The following BRINP3 variants were observed in gnomAD, a reference collection of about 807,000 sequenced individuals.
The protein encoded by BRINP3 is BMP/retinoic acid inducible neural specific 3.
Under a neutral mutation model 71.0 loss-of-function variants are expected in BRINP3, and 19 were observed. That is an observed-to-expected ratio of 0.27 (90% CI 0.19 to 0.39). The LOEUF is 0.39. Ranked by LOEUF, BRINP3 falls within the 10% of genes least tolerant of loss-of-function variation. BRINP3 has a pLI of 1.00. For synonymous variants in BRINP3, 380 were observed against 337.7 expected, an observed-to-expected ratio of 1.13 and a Z score of -1.37; for missense variants, 959 against 940.8, an observed-to-expected ratio of 1.02 and a Z score of -0.25.
chr1:190,109,050 A>G (rs1652443205), intron 7 of BRINP3, among the ~76,000 whole-genome samples: 1 of 152,184 alleles, frequency 6.6e-6, no homozygotes, highest in South Asian at 2.1e-4. Context: ...TTTGAACAGT[A>G]AATCCACTTT....
At chr1:190,362,188 A>C (rs1669193178) in intron 2 of BRINP3, 1 of 152,146 alleles carries the variant, frequency 6.6e-6, no homozygotes. Context: ...AAAGAAACAA[A>C]AGTCTATTGT....
chr1:190,291,681 AG>A (rs1421263882), intron 2 of BRINP3, among the ~76,000 whole-genome samples: 2 of 152,196 alleles, frequency 1.3e-5, no homozygotes, highest in Admixed American at 1.3e-4. Flanking sequence ...TATGGAGAAA[AG>A]GTAACCCTTG....
chr1:190,103,349 G>T (rs574250660), intron 7 of BRINP3, among the ~76,000 whole-genome samples: 1 of 152,094 alleles, frequency 6.6e-6, no homozygotes, highest in African/African-American at 2.4e-5. Context: ...CTGGGTAAAT[G>T]CTCATAATGA....
At chr1:190,398,259 T>C (rs1671706110) in intron 2 of BRINP3, among the ~76,000 whole-genome samples, 1 of 151,898 alleles carries the variant, frequency 6.6e-6, no homozygotes, top group Admixed American at 6.6e-5. Context: ...GTGTGAAAGA[T>C]CATAAGTATA....
At chr1:190,138,298 A>G (rs941921671) in intron 7 of BRINP3, among the ~76,000 whole-genome samples, 1 of 152,090 alleles carries the variant, frequency 6.6e-6, no homozygotes, top group Non-Finnish European at 1.5e-5. Context: ...CAACCCAACA[A>G]ATTTATTTAT....
At chr1:190,146,274 C>G (rs896244053) in intron 7 of BRINP3, among the ~76,000 whole-genome samples, 3 of 152,038 alleles carry the variant, frequency 2.0e-5, no homozygotes, top group Admixed American at 1.3e-4. Flanking sequence ...AATAAATGAC[C>G]TAATCTGGAC....
chr1:190,429,991 T>C (rs1158579203), intron 2 of BRINP3, among the ~76,000 whole-genome samples: 1 of 152,162 alleles, frequency 6.6e-6, no homozygotes, highest in African/African-American at 2.4e-5. Flanking sequence ...CAAAACATAA[T>C]CTTGTTACAT....
At chr1:190,206,115 G>A (rs1044811942) in intron 6 of BRINP3, among the ~76,000 whole-genome samples, 4 of 152,078 alleles carry the variant, frequency 2.6e-5, no homozygotes, top group African/African-American at 7.2e-5. Context: ...CCAGTACACC[G>A]TTGCCAAATT....
chr1:190,377,578 C>T (rs375494288), intron 2 of BRINP3, among the ~76,000 whole-genome samples: 17 of 148,006 alleles, frequency 1.1e-4, no homozygotes, highest in East Asian at 7.8e-4. Flanking sequence ...TAATCTGTTG[C>T]TATTTATATA....
At chr1:190,250,234 T>C (rs954901576) in intron 4 of BRINP3, among the ~76,000 whole-genome samples, 3 of 151,966 alleles carry the variant, frequency 2.0e-5, no homozygotes, top group African/African-American at 7.2e-5. Flanking sequence ...ATATCCATTA[T>C]GAAGTGACAT....
intron 2 of BRINP3, among the ~76,000 whole-genome samples, chr1:190,446,269 T>G (rs924003492): frequency 2.0e-5 from 3 of 152,062 alleles, no homozygotes; most frequent in African/African-American, 7.2e-5. Flanking sequence ...TCAAATTATT[T>G]TGGTTATTAA....
At chr1:190,321,188 A>G (rs550605364) in intron 2 of BRINP3, among the ~76,000 whole-genome samples, 8 of 152,220 alleles carry the variant, frequency 5.3e-5, no homozygotes, top group African/African-American at 1.9e-4. Context: ...TTGAGTCAGC[A>G]GACAGGGAAG....
intron 2 of BRINP3, among the ~76,000 whole-genome samples, chr1:190,448,460 GGTTT>G (rs201388424): frequency 0.019 from 1,221 of 65,570 alleles, 11 homozygotes; most frequent in African/African-American, 0.048. Flanking sequence ...CTACACTTGG[GGTTT>G]GTGTGTGTGT....
chr1:190,434,463 G>T (rs1469466543), intron 2 of BRINP3, among the ~76,000 whole-genome samples: 1 of 151,588 alleles, frequency 6.6e-6, no homozygotes, highest in Admixed American at 6.6e-5. Flanking sequence ...TTTTTTTGTT[G>T]ATCTTTTTTA....
At chr1:190,122,568 G>C (rs1380314996) in intron 7 of BRINP3, among the ~76,000 whole-genome samples, 1 of 139,234 alleles carries the variant, frequency 7.2e-6, no homozygotes, top group Non-Finnish European at 1.6e-5. Context: ...ACCTTCAGAG[G>C]GTAAAGTGGG....
intron 4 of BRINP3, among the ~76,000 whole-genome samples, chr1:190,241,053 G>A (rs1659042665): frequency 6.6e-6 from 1 of 151,556 alleles, no homozygotes; most frequent in Non-Finnish European, 1.5e-5. Context: ...AACTCTCTAT[G>A]CATAATTATA....
intron 2 of BRINP3, among the ~76,000 whole-genome samples, chr1:190,391,755 G>A (rs1671263487): frequency 6.6e-6 from 1 of 151,560 alleles, no homozygotes; most frequent in African/African-American, 2.4e-5. Context: ...ATACTGAATC[G>A]ACCGATGTTA....
At chr1:190,206,225 G>A (rs1206251660) in intron 6 of BRINP3, among the ~76,000 whole-genome samples, 3 of 151,950 alleles carry the variant, frequency 2.0e-5, no homozygotes, top group Admixed American at 2.0e-4. Flanking sequence ...GAGGAAGAGA[G>A]GTGAATATAA....
intron 7 of BRINP3, among the ~76,000 whole-genome samples, chr1:190,150,357 A>G (rs1656283847): frequency 6.6e-6 from 1 of 152,126 alleles, no homozygotes; most frequent in African/African-American, 2.4e-5. Context: ...GATTATTTAT[A>G]GGGACTATTT....
Sources: gnomAD v4.1 joint callset for allele counts (sites outside exome capture counted in the v4.1 genomes callset) on GRCh38, gnomAD v4.1.1 for gene constraint, MANE v1.5 for transcripts, NCBI Gene and HGNC (gene_info 2026-07-23, HGNC 2026-07-21) for gene names.